The following ADGRB3 variants were observed in gnomAD, a reference collection of about 807,000 sequenced individuals.
ADGRB3 encodes adhesion G protein-coupled receptor B3.
Under a neutral mutation model 193.4 loss-of-function variants are expected in ADGRB3, and 37 were observed. That is an observed-to-expected ratio of 0.19 (90% CI 0.15 to 0.25). The LOEUF (loss-of-function observed/expected upper bound fraction) is 0.25. Among genes scored for constraint, ADGRB3 ranks in the 10% least tolerant of loss-of-function variants. The pLI, the probability that ADGRB3 is intolerant of heterozygous loss-of-function variation, is 1.00. For synonymous variants in ADGRB3, 690 were observed against 644.2 expected (o/e 1.07, Z -1.08); for missense variants, 1,637 against 1,852.9 (o/e 0.88, Z 2.14).
intron 17 of ADGRB3, among the ~76,000 whole-genome samples, chr6:69,123,655 G>A (rs1053777981): frequency 1.3e-5 from 2 of 152,148 alleles, no homozygotes; most frequent in Non-Finnish European, 2.9e-5. Context: ...ACAGCACCTA[G>A]GGGAAAAATT....
chr6:69,162,629 G>A (rs1055435970), intron 17 of ADGRB3, among the ~76,000 whole-genome samples: 1 of 151,922 alleles, frequency 6.6e-6, no homozygotes, highest in African/African-American at 2.4e-5. Context: ...TATGGTCAAG[G>A]ACACAATAAC....
At chr6:68,749,676 T>G (rs1423634093) in intron 3 of ADGRB3, among the ~76,000 whole-genome samples, 2 of 152,106 alleles carry the variant, frequency 1.3e-5, no homozygotes, top group African/African-American at 2.4e-5. Flanking sequence ...TGATTGCCTA[T>G]TCTAACATTT....
intron 20 of ADGRB3, among the ~76,000 whole-genome samples, chr6:69,263,780 G>A (rs985360210): frequency 5.3e-5 from 8 of 151,996 alleles, no homozygotes; most frequent in Admixed American, 3.9e-4. Flanking sequence ...GTTGTTGGAG[G>A]GAGTCTTAAT....
At chr6:69,321,576 G>A (rs1029351085) in intron 20 of ADGRB3, among the ~76,000 whole-genome samples, 3 of 151,690 alleles carry the variant, frequency 2.0e-5, no homozygotes, top group African/African-American at 7.3e-5. Context: ...TTTGAGGCTT[G>A]TAAGTGAAAA....
At chr6:68,883,119 A>T (rs1352922650) in intron 3 of ADGRB3, among the ~76,000 whole-genome samples, 2 of 151,992 alleles carry the variant, frequency 1.3e-5, no homozygotes, top group African/African-American at 4.8e-5. Flanking sequence ...TGGTCTAGCT[A>T]AAGGATTGTA....
intron 3 of ADGRB3, among the ~76,000 whole-genome samples, chr6:68,903,800 C>T (rs548603119): frequency 6.6e-6 from 1 of 151,208 alleles, no homozygotes; most frequent in Non-Finnish European, 1.5e-5. Context: ...CGCTTGAGGC[C>T]AGGAGAGACC....
intron 3 of ADGRB3, among the ~76,000 whole-genome samples, chr6:68,838,586 G>T (rs1768089852): frequency 6.6e-6 from 1 of 152,120 alleles, no homozygotes; most frequent in African/African-American, 2.4e-5. Context: ...AAACTGTGTT[G>T]TTAGCAAAAT....
intron 3 of ADGRB3, among the ~76,000 whole-genome samples, chr6:68,718,739 C>T (rs943978010): frequency 9.9e-5 from 15 of 151,718 alleles, no homozygotes; most frequent in Non-Finnish European, 1.8e-4. Flanking sequence ...TGTACTTATA[C>T]GGAGTTATTT....
chr6:69,092,580 C>A (rs1000399820), intron 17 of ADGRB3, among the ~76,000 whole-genome samples: 1 of 152,144 alleles, frequency 6.6e-6, no homozygotes, highest in Non-Finnish European at 1.5e-5. Context: ...ATTTTGTGTG[C>A]AAGTTACTGG....
At chr6:69,164,555 G>C (rs1004866349) in intron 17 of ADGRB3, among the ~76,000 whole-genome samples, 1 of 152,050 alleles carries the variant, frequency 6.6e-6, no homozygotes, top group Non-Finnish European at 1.5e-5. Flanking sequence ...GCAGGGTCTT[G>C]TTATTATTAA....
intron 17 of ADGRB3, among the ~76,000 whole-genome samples, chr6:69,208,875 A>G (rs1765596882): frequency 6.6e-6 from 1 of 152,238 alleles, no homozygotes; most frequent in African/African-American, 2.4e-5. Flanking sequence ...GAAAGCACCC[A>G]GTTCATGATA....
chr6:69,131,739 C>G (rs1044480014), intron 17 of ADGRB3, among the ~76,000 whole-genome samples: 1 of 151,918 alleles, frequency 6.6e-6, no homozygotes, highest in Admixed American at 6.6e-5. Context: ...GACCTGTTAT[C>G]TACATTAGGT....
chr6:68,787,860 A>C (rs1201108502), intron 3 of ADGRB3, among the ~76,000 whole-genome samples: 1 of 152,144 alleles, frequency 6.6e-6, no homozygotes, highest in Non-Finnish European at 1.5e-5. Context: ...CAGAGATTCA[A>C]CTTCTTCCTG....
intron 3 of ADGRB3, among the ~76,000 whole-genome samples, chr6:68,733,290 A>C (rs182605761): frequency 6.7e-6 from 1 of 149,518 alleles, no homozygotes; most frequent in Admixed American, 6.7e-5. Context: ...ATATTCCTAT[A>C]TATATAGGAA....
intron 20 of ADGRB3, among the ~76,000 whole-genome samples, chr6:69,297,237 G>A (rs1322699729): frequency 6.6e-6 from 1 of 151,916 alleles, no homozygotes; most frequent in Non-Finnish European, 1.5e-5. Flanking sequence ...ATATATATCA[G>A]CCCAATAAAT....
intron 10 of ADGRB3, among the ~76,000 whole-genome samples, chr6:68,977,171 T>C (rs1768775919): frequency 6.6e-6 from 1 of 151,036 alleles, no homozygotes; most frequent in African/African-American, 2.4e-5. Context: ...ATATAACATA[T>C]AGCTTAGCTT....
At chr6:68,881,149 C>G (rs1028497795) in intron 3 of ADGRB3, among the ~76,000 whole-genome samples, 3 of 148,178 alleles carry the variant, frequency 2.0e-5, no homozygotes, top group Admixed American at 6.8e-5. Flanking sequence ...GGTATACCCC[C>G]AGGTTTTAAA....
intron 17 of ADGRB3, among the ~76,000 whole-genome samples, chr6:69,099,049 G>T (rs904216126): frequency 1.3e-5 from 2 of 152,154 alleles, no homozygotes; most frequent in Non-Finnish European, 2.9e-5. Flanking sequence ...TCCTTCCAGT[G>T]GTTCATACTG....
intron 13 of ADGRB3, among the ~76,000 whole-genome samples, chr6:69,046,339 C>T (rs1339293196): frequency 1.3e-5 from 2 of 152,258 alleles, no homozygotes; most frequent in Non-Finnish European, 2.9e-5. Context: ...AGTAGATACA[C>T]GTGATTCTAC....
Sources: gnomAD v4.1 joint callset for allele counts (sites outside exome capture counted in the v4.1 genomes callset) on GRCh38, gnomAD v4.1.1 for gene constraint, MANE v1.5 for transcripts, NCBI Gene and HGNC (gene_info 2026-07-23, HGNC 2026-07-21) for gene names.